Variants in ADAM10 observed in about 807,000 individuals in gnomAD.
ADAM10 encodes the protein ADAM metallopeptidase domain 10, also known as disintegrin and metalloproteinase domain-containing protein 10.
In ADAM10, 17 loss-of-function variants were observed where a neutral mutation model predicts 90.1. The ratio of observed to expected loss-of-function variants is 0.19; its 90% CI spans 0.13 to 0.28. The LOEUF is 0.28. Ranked by LOEUF, ADAM10 falls within the 10% of genes least tolerant of loss-of-function variation. The pLI, the probability that ADAM10 is intolerant of heterozygous loss-of-function variation, is 1.00. For missense variants in ADAM10, 610 were observed against 914.3 expected (o/e 0.67, Z 4.29); for synonymous variants, 310 against 298.6 (o/e 1.04, Z -0.40).
chr15:58,676,484 A>G (rs1897303872), intron 4 of ADAM10, among the ~76,000 whole-genome samples: 1 of 152,194 alleles, frequency 6.6e-6, no homozygotes, highest in Non-Finnish European at 1.5e-5. Context: ...TAAAGAACCA[A>G]TTAAAGTAAT....
chr15:58,599,784 CT>C, intron 14 of ADAM10, 60 bp from the exon 15 acceptor site: 1 of 1,528,024 alleles, frequency 6.5e-7, no homozygotes, highest in Non-Finnish European at 9.0e-7. Context: ...TTTAGAGTAT[CT>C]TTTACAGTAT....
rs1239885707 is a variant in ADAM10 at position 58,599,683 on chromosome 15, G to A, written c.2067C>T (p.Ile689=). The change falls in exon 15 of 16, where the codon ATC becomes ATT. Residue 689 remains isoleucine, a synonymous_variant. Transcript: ENST00000260408. Reference sequence around the variant, plus strand: ...TCTTAATAAATCCAGCCATTAGCATGATCAGAGCAATTCCCATAAGTAATA... The same window carrying A: ...TCTTAATAAATCCAGCCATTAGCATAATCAGAGCAATTCCCATAAGTAATA... ...WAVLLMGIAL[I]MLMAGFIKIC... is the part of the protein sequence containing the mutation. 2 of 1,612,920 alleles carry A rather than the reference G, an allele frequency of 1.2e-6. No individual in the cohort carries two copies. The highest frequency in any genetic ancestry group is 1.7e-5 in the Admixed American group (1 of 59,948).
chr15:58,635,932 G>C (rs1896238317), intron 8 of ADAM10, among the ~76,000 whole-genome samples: 1 of 151,936 alleles, frequency 6.6e-6, no homozygotes. Context: ...TTTATATATT[G>C]CCTAACTTCT....
At chr15:58,711,201 A>G (rs1401545109) in intron 2 of ADAM10, among the ~76,000 whole-genome samples, 2 of 152,196 alleles carry the variant, frequency 1.3e-5, no homozygotes, top group South Asian at 2.1e-4. Flanking sequence ...GCACTTAAGG[A>G]AAGTTTTTGG....
At chr15:58,645,124 C>T (rs188188519) in intron 6 of ADAM10, among the ~76,000 whole-genome samples, 3 of 152,274 alleles carry the variant, frequency 2.0e-5, no homozygotes, top group Non-Finnish European at 4.4e-5. Context: ...AAACATAAAA[C>T]ATAAAACAAG....
At chr15:58,705,865 AGTT>A (rs1161552504) in intron 2 of ADAM10, among the ~76,000 whole-genome samples, 13 of 152,230 alleles carry the variant, frequency 8.5e-5, no homozygotes, top group African/African-American at 3.1e-4. Flanking sequence ...AACTTACAGT[AGTT>A]ATCATAATTG....
intron 1 of ADAM10, among the ~76,000 whole-genome samples, chr15:58,731,651 C>T (rs1899248374): frequency 6.6e-6 from 1 of 151,966 alleles, no homozygotes; most frequent in Non-Finnish European, 1.5e-5. Flanking sequence ...AATTAAAATT[C>T]AAGTATGAGA....
intron 8 of ADAM10, among the ~76,000 whole-genome samples, chr15:58,637,295 G>A (rs796663392): frequency 2.0e-5 from 3 of 152,294 alleles, no homozygotes; most frequent in East Asian, 3.9e-4. Flanking sequence ...CTGTAGAGAT[G>A]AATTCCAAAG....
intron 5 of ADAM10, among the ~76,000 whole-genome samples, chr15:58,664,755 T>C (rs752401872): frequency 9.9e-5 from 15 of 152,150 alleles, no homozygotes; most frequent in Admixed American, 2.0e-4. Context: ...GTGTTAAAAA[T>C]GAGGAATACC....
At chr15:58,713,911 C>T (rs1226650149) in intron 2 of ADAM10, among the ~76,000 whole-genome samples, 1 of 151,384 alleles carries the variant, frequency 6.6e-6, no homozygotes, top group Non-Finnish European at 1.5e-5. Context: ...GTCCCTGGTT[C>T]AAGCGATTGT....
intron 2 of ADAM10, chr15:58,692,347 G>A (rs758154076): frequency 1.2e-5 from 7 of 604,522 alleles, no homozygotes; most frequent in East Asian, 4.0e-5. Context: ...GGTCCAAATC[G>A]GCTTGGTCTG....
At chr15:58,628,058 G>C (rs1281954653) in intron 9 of ADAM10, among the ~76,000 whole-genome samples, 175 bp from the exon 10 acceptor site, 3 of 152,146 alleles carry the variant, frequency 2.0e-5, no homozygotes, top group Non-Finnish European at 2.9e-5. Flanking sequence ...TCTTTTAGGG[G>C]TCACTGTCTT....
At chr15:58,617,808 AAG>A (rs1354283088) in intron 11 of ADAM10, among the ~76,000 whole-genome samples, 2 of 152,130 alleles carry the variant, frequency 1.3e-5, no homozygotes, top group Non-Finnish European at 2.9e-5. Context: ...CTGCAAAAAA[AAG>A]AGTAAGTTTA....
At chr15:58,678,627 T>C (rs1029898926) in intron 4 of ADAM10, among the ~76,000 whole-genome samples, 5 of 152,020 alleles carry the variant, frequency 3.3e-5, no homozygotes, top group African/African-American at 9.7e-5. Flanking sequence ...GAGAACAAAA[T>C]CCATGATAAA....
intron 1 of ADAM10, among the ~76,000 whole-genome samples, chr15:58,730,914 T>C (rs1469091667): frequency 6.6e-6 from 1 of 152,224 alleles, no homozygotes; most frequent in East Asian, 1.9e-4. Context: ...AGAGTTAAAA[T>C]ATCAGCTTCC....
intron 11 of ADAM10, among the ~76,000 whole-genome samples, chr15:58,620,382 G>A (rs12908449): frequency 0.19 from 28,356 of 151,700 alleles, 2,999 homozygotes; most frequent in East Asian, 0.4. Flanking sequence ...CAGGATAATT[G>A]CTTGAACCTG....
At chr15:58,723,527 A>G (rs1898927117) in intron 1 of ADAM10, among the ~76,000 whole-genome samples, 2 of 151,846 alleles carry the variant, frequency 1.3e-5, no homozygotes, top group Admixed American at 1.3e-4. Context: ...AGTGAAACCC[A>G]TAGTCTCTAC....
chr15:58,727,927 G>A (rs1166833230), intron 1 of ADAM10, among the ~76,000 whole-genome samples: 1 of 152,098 alleles, frequency 6.6e-6, no homozygotes, highest in Non-Finnish European at 1.5e-5. Context: ...GAAAAAAGCA[G>A]ACTCTGTAAC....
chr15:58,717,526 T>G (rs760323351), intron 2 of ADAM10, 51 bp downstream of exon 2: 7 of 1,605,886 alleles, frequency 4.4e-6, no homozygotes, highest in Non-Finnish European at 6.0e-6. Flanking sequence ...CTCTTTAACT[T>G]AGATTGAATA....
Sources: allele counts gnomAD v4.1 joint callset (sites outside exome capture counted in the v4.1 genomes callset), GRCh38; gene constraint gnomAD v4.1.1; transcripts MANE v1.5; gene names NCBI Gene and HGNC (gene_info 2026-07-23, HGNC 2026-07-21).